SLC17A2: variants seen among roughly 807,000 people sequenced by gnomAD.
SLC17A2 encodes solute carrier family 17 member 2.
Under a neutral mutation model 52.1 loss-of-function variants are expected in SLC17A2, and 38 were observed. That is an observed-to-expected ratio of 0.73 (90% CI 0.56 to 0.96). The LOEUF (loss-of-function observed/expected upper bound fraction) is 0.96, where lower values mean the gene tolerates loss of function less well. Among genes scored for constraint, SLC17A2 ranks in the 40% least tolerant of loss-of-function variants. SLC17A2 has a pLI of 0.00. For missense variants in SLC17A2, 508 were observed against 583.9 expected, an observed-to-expected ratio of 0.87 and a Z score of 1.34; for synonymous variants, 226 against 211.9, an observed-to-expected ratio of 1.07 and a Z score of -0.58.
chr6:25,928,604 G>A (rs989948727), intron 1 of SLC17A2, among the ~76,000 whole-genome samples: 1 of 152,034 alleles, frequency 6.6e-6, no homozygotes, highest in Non-Finnish European at 1.5e-5. Context: ...ATTTTCCTTT[G>A]CATGAGACGA....
Position 25,923,867 on chromosome 6 carries a change from A to G in SLC17A2, c.68T>C (p.Ile23Thr), listed in dbSNP as rs1766654403. ...FCSLRYGLAL[I>T]MHFSNFTMIT... ...CATGGTGAAGTTTGAGAAGTGCATG[A>G]TAAGAGCCAGCCCATAGCGTAATGA... Residue 23 changes from isoleucine (I) to threonine (T), a missense_variant, in exon 3 of 12, where the codon ATC (isoleucine) becomes ACC (threonine). Transcript: ENST00000377850. The G allele has an allele frequency of 1.2e-6, 2 of 1,614,230 alleles. No homozygotes were observed. Among genetic ancestry groups the G allele is most frequent in the Non-Finnish European group, 1.7e-6 (2 of 1,180,046 alleles).
intron 1 of SLC17A2, among the ~76,000 whole-genome samples, chr6:25,928,831 T>C (rs563344314): frequency 9.9e-5 from 15 of 152,224 alleles, no homozygotes; most frequent in African/African-American, 3.4e-4. Context: ...TTTAAGGAGA[T>C]ATACCTCTAA....
At chr6:25,927,723 G>A (rs1212109642) in intron 1 of SLC17A2, among the ~76,000 whole-genome samples, 1 of 152,016 alleles carries the variant, frequency 6.6e-6, no homozygotes, top group African/African-American at 2.4e-5. Flanking sequence ...AGATTTTATT[G>A]TTGTTGTTGT....
rs1183564730 is a variant in SLC17A2 at position 25,921,421 on chromosome 6, A to T, written c.241-9T>A. 3.8e-6 allele frequency: 6 copies of T among 1,588,680 alleles called. No individual in the cohort carries two copies. In the African/African-American group the frequency reaches 5.4e-5, roughly 14 times the overall value. On this transcript the variant is annotated splice_polypyrimidine_tract_variant and intron_variant, in intron 3 of 11. Coordinates refer to ENST00000377850, the MANE Select transcript of SLC17A2 (RefSeq NM_001286123.3). ...CATTGATACACAGAGGCCTGGGGGA[A>T]AAATAGGAAAACTCTTTGTCAAGAA...
intron 5 of SLC17A2, among the ~76,000 whole-genome samples, chr6:25,920,745 C>T (rs1361806751): frequency 2.6e-5 from 4 of 152,114 alleles, no homozygotes; most frequent in Non-Finnish European, 4.4e-5. Context: ...TCCGACAAGG[C>T]TTTTCTGACT....
chr6:25,930,375 CAG>C lies in SLC17A2; in HGVS notation c.-184_-183del, dbSNP rs1278664852. ...TCTTCATTGAATCAGTTATCTTTTTCAGAGAGTCTCTTCATTTTGGAATTAGG... is the reference window on the plus strand; with the variant it reads ...TCTTCATTGAATCAGTTATCTTTTTCAGAGTCTCTTCATTTTGGAATTAGG... On this transcript the variant is annotated 5_prime_UTR_variant, in exon 1 of 12. The change creates a premature stop within an existing upstream ORF in the 5' untranslated region. Transcript: ENST00000377850. 1 of 152,186 alleles carries C rather than the reference CAG, an allele frequency of 6.6e-6. No individual in the cohort carries two copies. Among genetic ancestry groups the C allele is most frequent in the African/African-American group, 2.4e-5 (1 of 41,446 alleles). The allele number at this position is 152,186 out of a possible 1,614,324, so 9.4% of individuals were successfully genotyped here.
At chr6:25,915,993 T>A in intron 8 of SLC17A2, 125 bp from the exon 9 acceptor site, 1 of 807,862 alleles carries the variant, frequency 1.2e-6, no homozygotes, top group Non-Finnish European at 1.9e-6. Flanking sequence ...AAAATTAGCA[T>A]CCTTTTTCAC....
At position 25,925,864 on chromosome 6, in the gene SLC17A2, T is replaced by C; in HGVS notation, c.-68A>G. On this transcript the variant is annotated 5_prime_UTR_variant, in exon 2 of 12. Transcript: ENST00000377850. The stretch of plus-strand genomic sequence containing the variant: ...TCCCTGTGCCCTGAATCTCTTTTAC[T>C]ACGACAGTCTTTTATCTATGGAGAG... The C allele has an allele frequency of 6.8e-7, 1 of 1,460,354 alleles. No individual in the cohort carries two copies. The highest frequency in any genetic ancestry group is 9.6e-7 in the Non-Finnish European group (1 of 1,039,768). 90.5% of individuals were successfully genotyped at this position (1,460,354 alleles called of 1,614,324 possible). A position where few individuals can be genotyped will look rare whatever the true frequency, so the allele number is the denominator to read the frequency against.
At chr6:25,919,192 A>G (rs1306359250) in intron 5 of SLC17A2, among the ~76,000 whole-genome samples, 1 of 152,226 alleles carries the variant, frequency 6.6e-6, no homozygotes, top group African/African-American at 2.4e-5. Flanking sequence ...CGATGGTTTC[A>G]TGAATCGATA....
rs1318721089 is a variant in SLC17A2, at chr6:25,915,433, C to T, written c.1211+66G>A. ...TCAGTAACATTAAAGAGTTTCACGG[C>T]GACCACTGAGGTCTAACACCTCTGG... On this transcript the variant is annotated intron_variant, in intron 10 of 11. Coordinates refer to ENST00000377850, the MANE Select transcript of SLC17A2 (RefSeq NM_001286123.3). 9.5e-5 allele frequency: 130 copies of T among 1,372,762 alleles called. No homozygotes were observed. In the East Asian group the frequency reaches 2.0e-3, roughly 21 times the overall value. 85.0% of individuals were successfully genotyped at this position (1,372,762 alleles called of 1,614,324 possible).
At chr6:25,920,344 C>G (rs1275293012) in intron 5 of SLC17A2, among the ~76,000 whole-genome samples, 1 of 152,072 alleles carries the variant, frequency 6.6e-6, no homozygotes, top group Non-Finnish European at 1.5e-5. Flanking sequence ...GGATCACATA[C>G]CATGGAAAGG....
chr6:25,929,964 C>T (rs1374284751), intron 1 of SLC17A2, among the ~76,000 whole-genome samples: 6 of 152,238 alleles, frequency 3.9e-5, no homozygotes, highest in African/African-American at 7.2e-5. Context: ...CATAGGTGCA[C>T]GCGCCGCTAC....
rs762458898 is a variant in SLC17A2 at position 25,921,163 on chromosome 6, G to T, written c.474+16C>A. The T allele has an allele frequency of 2.5e-6, 4 of 1,613,568 alleles. No homozygotes were observed. The highest frequency in any genetic ancestry group is 2.2e-5 in the East Asian group (1 of 44,890). Reference sequence around the variant, plus strand: ...GAAATCTGGATCCCACCAAGAATGAGAAAGTATCTGGATACCTGGGCCATG... The same window carrying T: ...GAAATCTGGATCCCACCAAGAATGATAAAGTATCTGGATACCTGGGCCATG... On this transcript the variant is annotated intron_variant, in intron 4 of 11. Coordinates refer to ENST00000377850, the MANE Select transcript of SLC17A2 (RefSeq NM_001286123.3).
chr6:25,913,773 G>GT (rs1554137625), intron 11 of SLC17A2, among the ~76,000 whole-genome samples: 4,331 of 67,490 alleles, frequency 0.064, 172 homozygotes, highest in African/African-American at 0.2. Context: ...TGTCTTCTCT[G>GT]TTTTTTTTTG....
Position 25,921,173 on chromosome 6 carries a change from G to A in SLC17A2, c.474+6C>T, listed in dbSNP as rs1766542285. 6.2e-7 allele frequency: 1 copy of A among 1,613,620 alleles called. No homozygotes were observed. Among genetic ancestry groups the A allele is most frequent in the Non-Finnish European group, 8.5e-7 (1 of 1,179,668 alleles). On this transcript the variant is annotated splice_donor_region_variant and intron_variant, in intron 4 of 11. Transcript: ENST00000377850. ...TCCCACCAAGAATGAGAAAGTATCT[G>A]GATACCTGGGCCATGCCCTGGACTG...
chr6:25,916,146 T>A (rs1766308191), intron 8 of SLC17A2, among the ~76,000 whole-genome samples: 1 of 152,176 alleles, frequency 6.6e-6, no homozygotes, highest in South Asian at 2.1e-4. Flanking sequence ...AGTGGCATGA[T>A]CTTGGCTCAA....
chr6:25,920,142 A>T (rs568683010), intron 5 of SLC17A2, among the ~76,000 whole-genome samples: 3 of 152,274 alleles, frequency 2.0e-5, no homozygotes, highest in African/African-American at 7.2e-5. Flanking sequence ...AATAGAGGAG[A>T]TGGTTACAAC....
chr6:25,920,885 T>C (rs751902357), intron 5 of SLC17A2, 121 bp downstream of exon 5: 2 of 829,276 alleles, frequency 2.4e-6, no homozygotes, highest in Admixed American at 2.3e-5. Context: ...AAGTGTCTTA[T>C]ATTGTTGAAT....
chr6:25,929,461 T>A (rs9348698), intron 1 of SLC17A2, among the ~76,000 whole-genome samples: 53,208 of 152,146 alleles, frequency 0.35, 10,418 homozygotes, highest in East Asian at 0.7. Flanking sequence ...AATACAGGCC[T>A]ACAGCAAATG....
Sources: allele counts gnomAD v4.1 joint callset (sites outside exome capture counted in the v4.1 genomes callset), GRCh38; gene constraint gnomAD v4.1.1; transcripts MANE v1.5; gene names NCBI Gene and HGNC (gene_info 2026-07-23, HGNC 2026-07-21).